The following TMEM44 variants were observed in gnomAD, a reference collection of about 807,000 sequenced individuals.
TMEM44 encodes transmembrane protein 44.
In TMEM44, 43 loss-of-function variants were observed where a neutral mutation model predicts 47.8. That is an observed-to-expected ratio of 0.90 (90% confidence interval 0.70 to 1.16). The LOEUF is 1.16. Ranked by LOEUF, TMEM44 falls within the 50% of genes most tolerant of loss-of-function variation. The pLI, the probability that TMEM44 is intolerant of heterozygous loss-of-function variation, is 0.00. For synonymous variants in TMEM44, 277 were observed against 238.8 expected, an observed-to-expected ratio of 1.16 and a Z score of -1.48; for missense variants, 568 against 555.2, an observed-to-expected ratio of 1.02 and a Z score of -0.23.
At chr3:194,613,865 G>A (rs994672135) in intron 7 of TMEM44, among the ~76,000 whole-genome samples, 1 of 150,746 alleles carries the variant, frequency 6.6e-6, no homozygotes, top group Non-Finnish European at 1.5e-5. Flanking sequence ...GCTCACACCT[G>A]TAATCCCAGC....
intron 1 of TMEM44, among the ~76,000 whole-genome samples, chr3:194,629,642 C>T (rs1299352253): frequency 1.4e-5 from 2 of 141,386 alleles, no homozygotes; most frequent in East Asian, 2.2e-4. Flanking sequence ...AACACGTTGT[C>T]GTACCTGCCT....
chr3:194,627,483 T>G (rs1717302664), intron 2 of TMEM44, among the ~76,000 whole-genome samples: 1 of 152,124 alleles, frequency 6.6e-6, no homozygotes, highest in Non-Finnish European at 1.5e-5. Context: ...TGAAACTACT[T>G]CTCACTTGCC....
intron 5 of TMEM44, among the ~76,000 whole-genome samples, chr3:194,620,516 G>C: frequency 6.6e-6 from 1 of 152,188 alleles, no homozygotes; most frequent in East Asian, 1.9e-4. Context: ...CTGCAATGCA[G>C]TGGGAAATGA....
Position 194,617,092 on chromosome 3 carries a change from T to A in TMEM44, c.783+7A>T. 3.3e-6 allele frequency: 5 copies of A among 1,503,276 alleles called. No homozygotes were observed. Among genetic ancestry groups the A allele is most frequent in the Non-Finnish European group, 4.5e-6 (5 of 1,122,606 alleles). The allele number at this position is 1,503,276 out of a possible 1,614,324, so 93.1% of individuals were successfully genotyped here. ...AGCAGGGAGCTCCCCAGGCCTGGGG[T>A]GGATACAGCGAGGTCCAGTGCCGCA... On this transcript the variant is annotated splice_region_variant and intron_variant, in intron 6 of 9. Transcript: ENST00000347147.
intron 2 of TMEM44, among the ~76,000 whole-genome samples, 170 bp from the exon 3 acceptor site, chr3:194,626,160 A>C (rs1402480168): frequency 2.6e-5 from 4 of 152,162 alleles, no homozygotes; most frequent in African/African-American, 9.7e-5. Flanking sequence ...TATCATGTCC[A>C]CTTGGCTGAT....
chr3:194,616,451 C>A (rs1288757752), intron 6 of TMEM44: 2 of 401,216 alleles, frequency 5.0e-6, no homozygotes, highest in Non-Finnish European at 1.0e-5. Flanking sequence ...AGCTGGGGTC[C>A]CTATAAGAAA....
chr3:194,627,993 C>CA (rs1363434867), intron 2 of TMEM44, among the ~76,000 whole-genome samples: 6 of 147,174 alleles, frequency 4.1e-5, no homozygotes, highest in South Asian at 4.3e-4. Context: ...AACAAACAAG[C>CA]AAAAAAAAAA....
chr3:194,616,479 A>G, intron 6 of TMEM44: 2 of 435,590 alleles, frequency 4.6e-6, no homozygotes, highest in Non-Finnish European at 9.3e-6. Flanking sequence ...ACACGAAGAT[A>G]CACAAAGGGA....
chr3:194,617,896 G>A (rs1001709496), intron 5 of TMEM44: 2 of 607,796 alleles, frequency 3.3e-6, no homozygotes, highest in East Asian at 5.9e-5. Flanking sequence ...TCAAAAATGT[G>A]TGTGTGGCAC....
intron 9 of TMEM44, among the ~76,000 whole-genome samples, chr3:194,602,931 C>G (rs1159641100): frequency 6.6e-6 from 1 of 152,226 alleles, no homozygotes. Context: ...AAACCAAAAA[C>G]TCAACACCAA....
chr3:194,619,734 A>G (rs894010761), intron 5 of TMEM44, among the ~76,000 whole-genome samples: 24 of 152,216 alleles, frequency 1.6e-4, no homozygotes, highest in Admixed American at 3.3e-4. Flanking sequence ...GTTTCTCCCT[A>G]TGAAGGGAAC....
intron 9 of TMEM44, chr3:194,596,739 G>C (rs1407998793): frequency 6.6e-6 from 1 of 152,196 alleles, no homozygotes; most frequent in Non-Finnish European, 1.5e-5. Flanking sequence ...TGCGGAGGTT[G>C]CAAGACTCCG....
At chr3:194,632,145 C>T (rs1420313000) in intron 1 of TMEM44, among the ~76,000 whole-genome samples, 1 of 152,180 alleles carries the variant, frequency 6.6e-6, no homozygotes, top group Non-Finnish European at 1.5e-5. Context: ...GGTAACAGCA[C>T]CTACCTCCTG....
In TMEM44 at chr3:194,630,139, C is replaced by T. The variant is rs554549486; in HGVS notation, c.138-1630G>A. Among the ~76,000 whole-genome samples, 64 of 98,950 alleles carry T rather than the reference C, an allele frequency of 6.5e-4. 3 individuals carry two copies. Among genetic ancestry groups the T allele is most frequent in the South Asian group, 6.1e-3 (10 of 1,646 alleles). 64.9% of individuals were successfully genotyped at this position (98,950 alleles called of 152,430 possible). A position where few individuals can be genotyped will look rare whatever the true frequency, so the allele number is the denominator to read the frequency against. On this transcript the variant is annotated intron_variant, in intron 1 of 9. Transcript: ENST00000347147. ...CACTGATAGGGCCCCTGAAATAATA[C>T]GCTGTCGTACCTGCTTCCCGAAGGG...
At chr3:194,617,441 A>G (rs2108591734) in intron 5 of TMEM44, 172 bp from the exon 6 acceptor site, 4 of 783,914 alleles carry the variant, frequency 5.1e-6, no homozygotes, top group Non-Finnish European at 7.9e-6. Context: ...TGCCTGTCAA[A>G]CTCCTACTCA....
intron 9 of TMEM44, among the ~76,000 whole-genome samples, chr3:194,594,990 C>T (rs1713230952): frequency 6.6e-6 from 1 of 152,158 alleles, no homozygotes; most frequent in South Asian, 2.1e-4. Flanking sequence ...TGAGGTCTCT[C>T]CTCAACCCCC....
chr3:194,589,909 C>T (rs958916870), intron 9 of TMEM44: 4 of 152,086 alleles, frequency 2.6e-5, no homozygotes, highest in Non-Finnish European at 5.9e-5. Context: ...GAAGATCTCT[C>T]CCATTTCCAA....
At chr3:194,612,765 C>A (rs372269446) in intron 7 of TMEM44, among the ~76,000 whole-genome samples, 1 of 152,034 alleles carries the variant, frequency 6.6e-6, no homozygotes, top group African/African-American at 2.4e-5. Flanking sequence ...TCTGGGTTCA[C>A]GCCATTCTCC....
intron 4 of TMEM44, 64 bp downstream of exon 4, chr3:194,623,465 C>T (rs1716798231): frequency 1.3e-6 from 2 of 1,524,048 alleles, no homozygotes; most frequent in African/African-American, 2.8e-5. Flanking sequence ...CGGCCTCATC[C>T]CACCCTGGGC....
Sources: allele counts gnomAD v4.1 joint callset (sites outside exome capture counted in the v4.1 genomes callset), GRCh38; gene constraint gnomAD v4.1.1; transcripts MANE v1.5; gene names NCBI Gene and HGNC (gene_info 2026-07-23, HGNC 2026-07-21).